The following ACSM2B variants were observed in gnomAD, a reference collection of about 807,000 sequenced individuals.
The protein encoded by ACSM2B is acyl-coenzyme A synthetase ACSM2B, mitochondrial.
ACSM2B carries 58 observed loss-of-function variants against 78.6 expected under a neutral mutation model. The observed-to-expected ratio is 0.74, with a 90% CI of 0.60 to 0.92. ACSM2B has a LOEUF of 0.92. Ranked by LOEUF, ACSM2B falls within the 40% of genes least tolerant of loss-of-function variation. The pLI is 0.00. For synonymous variants in ACSM2B, 257 were observed against 256.8 expected (o/e 1.00, Z -0.01); for missense variants, 688 against 711.2 (o/e 0.97, Z 0.37).
intron 1 of ACSM2B, among the ~76,000 whole-genome samples, chr16:20,566,759 GTATATATAGA>G (rs2015901211): frequency 1.7e-5 from 1 of 59,352 alleles, no homozygotes; most frequent in African/African-American, 1.7e-4. Context: ...ACTATATATA[GTATATATAGA>G]TATATAGATA....
At chr16:20,540,902 T>C (rs748352531) in intron 12 of ACSM2B, 129 bp from the exon 13 acceptor site, 18 of 1,390,832 alleles carry the variant, frequency 1.3e-5, no homozygotes, top group Non-Finnish European at 1.7e-5. Flanking sequence ...GTGATCCAGG[T>C]CAAGGGAAAG....
chr16:20,543,086 C>T (rs1430000427), intron 11 of ACSM2B, 49 bp downstream of exon 11: 1 of 1,613,200 alleles, frequency 6.2e-7, no homozygotes, highest in Non-Finnish European at 8.5e-7. Context: ...CTGGAACCAG[C>T]CAGAGTAAAG....
chr16:20,542,696 A>T (rs1279491574), intron 12 of ACSM2B: 1 of 592,148 alleles, frequency 1.7e-6, no homozygotes, highest in Non-Finnish European at 2.9e-6. Context: ...TACAAATATT[A>T]GCACATTTAA....
At position 20,559,365 on chromosome 16, in the gene ACSM2B, C is replaced by T. The variant is rs749862085; in HGVS notation, c.260G>A (p.Ser87Asn). The change falls in exon 3 of 14, where the codon AGT becomes AAT. Residue 87 changes from serine (S) to asparagine (N), a missense_variant. Physicochemically the swap from Ser to Asn is conservative, Grantham distance 46 (BLOSUM62 1). Transcript: ENST00000329697. Reference protein sequence around the residue: ...KELMWNFRELSENSQQAANIL... With the variant: ...KELMWNFRELNENSQQAANIL... Reference sequence around the variant, plus strand: ...GTTGGCTGCCTGCTGGCTGTTTTCACTCAGTTCTCTGAAATTCCACATTAA... The same window carrying T: ...GTTGGCTGCCTGCTGGCTGTTTTCATTCAGTTCTCTGAAATTCCACATTAA... 3.7e-6 allele frequency: 6 copies of T among 1,611,268 alleles called. No individual in the cohort carries two copies. The highest frequency in any genetic ancestry group is 1.7e-6 in the Non-Finnish European group (2 of 1,178,558).
In ACSM2B at chr16:20,545,160, A is replaced by G; in HGVS notation, c.1278T>C (p.Tyr426=). 1.2e-6 allele frequency: 2 copies of G among 1,612,436 alleles called. No individual in the cohort carries two copies. Among genetic ancestry groups the G allele is most frequent in the Non-Finnish European group, 1.7e-6 (2 of 1,178,790 alleles). ...GAGGAGAAGCACAGTTTCTCACCAC[A>G]TAGCCAGAGAAGATGCCTATAGGCC... ...PIRPIGIFSG[Y]VENPDKTAAN... Residue 426 remains tyrosine, a synonymous_variant, in exon 10 of 14, where the codon TAT becomes TAC. Transcript: ENST00000329697.
At chr16:20,544,974 G>A (rs1200446686) in intron 10 of ACSM2B, among the ~76,000 whole-genome samples, 183 bp downstream of exon 10, 4 of 152,208 alleles carry the variant, frequency 2.6e-5, no homozygotes, top group Non-Finnish European at 5.9e-5. Context: ...GTGATAGGCT[G>A]AGGATGGCAA....
chr16:20,545,855 G>C (rs2015124404), intron 9 of ACSM2B, among the ~76,000 whole-genome samples: 1 of 152,090 alleles, frequency 6.6e-6, no homozygotes, highest in Admixed American at 6.6e-5. Context: ...ACAAATTCTA[G>C]TTCTCAAAAA....
At chr16:20,548,545 A>C (rs1018205319) in intron 6 of ACSM2B, 72 bp from the exon 7 acceptor site, 23 of 1,610,020 alleles carry the variant, frequency 1.4e-5, no homozygotes, top group Non-Finnish European at 2.0e-5. Context: ...CACAGTGGTT[A>C]CAATTGTGAG....
rs766681478 is a variant in ACSM2B at position 20,571,219 on chromosome 16, T to A, written c.-9+4988A>T. On this transcript the variant is annotated intron_variant, in intron 1 of 13. Coordinates refer to ENST00000329697, the MANE Select transcript of ACSM2B (RefSeq NM_001105069.2). ...TGAAGGCATTTAAGGCTATGAACTT[T>A]CCTCTTAGTACCATCTTTGCTGTAT... Among the ~76,000 whole-genome samples, 125 of 152,204 alleles carry A rather than the reference T, an allele frequency of 8.2e-4. 1 individual carries two copies. The highest frequency in any genetic ancestry group is 1.4e-3 in the Non-Finnish European group (97 of 67,930).
chr16:20,563,143 A>G lies in ACSM2B; in HGVS notation c.177+1526T>C, dbSNP rs182776032. Among the ~76,000 whole-genome samples, 165 of 152,254 alleles carry G rather than the reference A, an allele frequency of 1.1e-3. 2 individuals carry two copies. In the South Asian group the frequency reaches 0.013, roughly 12 times the overall value. ...TAAGATGTCTTGTGATAATTAAACT[A>G]ATTTTTCTGAAAGAAAAAAACAACC... On this transcript the variant is annotated intron_variant, in intron 2 of 13. Transcript: ENST00000329697.
intron 1 of ACSM2B, among the ~76,000 whole-genome samples, chr16:20,566,270 TATATATATATATATAG>T (rs2015835242): frequency 7.6e-6 from 1 of 130,922 alleles, no homozygotes; most frequent in Non-Finnish European, 1.6e-5. Context: ...TATATATATA[TATATATATATATATAG>T]ACAGATATAT....
At position 20,566,280 on chromosome 16, in the gene ACSM2B, T is replaced by G. The variant is rs1191917388; in HGVS notation, c.-8-1427A>C. Among the ~76,000 whole-genome samples the G allele has an allele frequency of 8.9e-4, 106 of 119,404 alleles. 1 individual carries two copies. Among genetic ancestry groups the G allele is most frequent in the African/African-American group, 3.0e-3 (102 of 34,132 alleles). The allele number at this position is 119,404 out of a possible 152,430, so 78.3% of individuals were successfully genotyped here. A position where few individuals can be genotyped will look rare whatever the true frequency, so the allele number is the denominator to read the frequency against. On this transcript the variant is annotated intron_variant, in intron 1 of 13. Coordinates refer to ENST00000329697, the MANE Select transcript of ACSM2B (RefSeq NM_001105069.2). ...ATATATATATATATATATATATATA[T>G]ATATAGACAGATATATAGATATATA...
chr16:20,547,571 C>T (rs2015177095), intron 8 of ACSM2B: 1 of 989,732 alleles, frequency 1.0e-6, no homozygotes, highest in Non-Finnish European at 1.2e-6. Context: ...CACATGAGAC[C>T]TCAAGAGTTC....
chr16:20,575,648 G>T (rs1294340823), intron 1 of ACSM2B: 3 of 149,638 alleles, frequency 2.0e-5, no homozygotes, highest in African/African-American at 7.3e-5. Context: ...GATTAAGGGT[G>T]GGTCTGCCTC....
intron 8 of ACSM2B, 184 bp from the exon 9 acceptor site, chr16:20,546,658 C>G: frequency 1.7e-6 from 2 of 1,157,472 alleles, no homozygotes; most frequent in Non-Finnish European, 2.3e-6. Flanking sequence ...AGGGGCCTCA[C>G]TAAATTGTTT....
At chr16:20,566,545 C>T (rs1418220027) in intron 1 of ACSM2B, among the ~76,000 whole-genome samples, 18 of 98,920 alleles carry the variant, frequency 1.8e-4, no homozygotes, top group Non-Finnish European at 2.6e-4. Flanking sequence ...TACTATATAA[C>T]TATATACTAT....
intron 9 of ACSM2B, among the ~76,000 whole-genome samples, chr16:20,545,714 A>T (rs150594127): frequency 0.061 from 9,305 of 152,258 alleles, 904 homozygotes; most frequent in African/African-American, 0.21. Flanking sequence ...ATGAAATAAG[A>T]TACTAAGAAA....
At chr16:20,539,111 T>C (rs2014921580) in intron 13 of ACSM2B, among the ~76,000 whole-genome samples, 1 of 150,026 alleles carries the variant, frequency 6.7e-6, no homozygotes. Flanking sequence ...GCTCCAGAAC[T>C]CCCATGGGAT....
At position 20,554,426 on chromosome 16, in the gene ACSM2B, G is replaced by T. The variant is rs1392926417; in HGVS notation, c.597-506C>A. Among the ~76,000 whole-genome samples, 11 of 152,116 alleles carry T rather than the reference G, an allele frequency of 7.2e-5. No homozygotes were observed. In the East Asian group the frequency reaches 9.6e-4, roughly 13 times the overall value. The stretch of plus-strand genomic sequence containing the variant: ...TGGACATCTCCAGTGTCTTGATTTT[G>T]AACCTTTAAAAGCAGGCATGATGCT... On this transcript the variant is annotated intron_variant, in intron 4 of 13. Transcript: ENST00000329697.
Sources: allele counts gnomAD v4.1 joint callset (sites outside exome capture counted in the v4.1 genomes callset), GRCh38; gene constraint gnomAD v4.1.1; transcripts MANE v1.5; gene names NCBI Gene and HGNC (gene_info 2026-07-23, HGNC 2026-07-21).